PRAMEF18: variants seen among roughly 807,000 people sequenced by gnomAD.
The protein encoded by PRAMEF18 is PRAME family member-like.
In PRAMEF18, 15 loss-of-function variants were observed where a neutral mutation model predicts 23.7. The observed-to-expected ratio is 0.63, with a 90% CI of 0.42 to 0.97. The LOEUF is 0.97. Among genes scored for constraint, PRAMEF18 ranks in the 50% least tolerant of loss-of-function variants. The pLI is 0.00. For synonymous variants in PRAMEF18, 78 were observed against 159.9 expected, an observed-to-expected ratio of 0.49 and a Z score of 3.86; for missense variants, 223 against 418.6, an observed-to-expected ratio of 0.53 and a Z score of 4.08.
At chr1:13,224,985 G>A (rs1553188516) in exon 2 of PRAMEF18, 7 of 1,614,144 alleles carry the variant, frequency 4.3e-6, no homozygotes, top group South Asian at 2.2e-5. Flanking sequence ...GAGCTTAGCA[G>A]GTAACGACAG....
chr1:13,223,804 T>C, exon 3 of PRAMEF18: 1 of 287,170 alleles, frequency 3.5e-6, no homozygotes, highest in Non-Finnish European at 5.8e-6. Flanking sequence ...ATTCAGCTGC[T>C]TCAGTTGACT....
chr1:13,225,294 C>T, exon 2 of PRAMEF18: 2 of 1,612,204 alleles, frequency 1.2e-6, no homozygotes, highest in Non-Finnish European at 1.7e-6. Context: ...GGCTGCTTCT[C>T]TCCTGTCCTT....
intron 2 of PRAMEF18, chr1:13,224,652 C>G (rs879148701): frequency 2.7e-4 from 268 of 985,790 alleles, no homozygotes; most frequent in East Asian, 3.7e-4. Flanking sequence ...TAGCTTCTAC[C>G]CCAGGTCATC....
At chr1:13,225,074 C>A in exon 2 of PRAMEF18, 1 of 1,614,124 alleles carries the variant, frequency 6.2e-7, no homozygotes, top group Admixed American at 1.7e-5. Flanking sequence ...ACACAGCCAG[C>A]ACATGTTCCA....
chr1:13,222,751 T>C (rs1408431099), exon 3 of PRAMEF18: 1 of 92,848 alleles, frequency 1.1e-5, no homozygotes, highest in African/African-American at 3.5e-5. Flanking sequence ...AAATCACAGA[T>C]GAACTAGTAC....
exon 2 of PRAMEF18, chr1:13,225,078 T>A (rs1638825204): frequency 1.2e-6 from 2 of 1,614,122 alleles, no homozygotes; most frequent in Non-Finnish European, 1.7e-6. Context: ...AGCCAGCACA[T>A]GTTCCAAATT....
chr1:13,224,944 G>A (rs1378932157), exon 2 of PRAMEF18: 20 of 1,613,976 alleles, frequency 1.2e-5, no homozygotes, highest in Middle Eastern at 3.3e-4. Context: ...GCACAGAGCT[G>A]AATTCAGCAA....
chr1:13,224,895 T>A, exon 2 of PRAMEF18: 1 of 1,613,938 alleles, frequency 6.2e-7, no homozygotes, highest in Non-Finnish European at 8.5e-7. Flanking sequence ...AAGCAGACCC[T>A]TCTTACATAA....
exon 1 of PRAMEF18, chr1:13,226,092 G>T: frequency 3.1e-6 from 5 of 1,612,784 alleles, no homozygotes; most frequent in Non-Finnish European, 4.2e-6. Context: ...GTCTGCGTGG[G>T]GCCTGGAAGC....
At position 13,226,036 on chromosome 1, in the gene PRAMEF18, G is replaced by T. The variant is rs1370823025; in HGVS notation, c.71C>A (p.Ala24Asp). ...GGGCAGCTCATCCAGGACGGAGATG[G>T]CCAAGGCCTGGTCCCTCAGCAGGCT... The change falls in exon 1 of 3, where the codon GCC becomes GAC. Residue 24 changes from alanine to aspartate, a missense_variant. Coordinates refer to ENST00000624297, the Ensembl canonical transcript of PRAMEF18. 3.8e-4 allele frequency: 613 copies of T among 1,613,538 alleles called. No homozygotes were observed. The African/African-American group carries it at 6.8e-3, about 18-fold the overall frequency.
exon 2 of PRAMEF18, chr1:13,224,871 G>T: frequency 6.2e-7 from 1 of 1,614,018 alleles, no homozygotes; most frequent in South Asian, 1.1e-5. Context: ...AGCTGGTCCA[G>T]GTGGCCTCTG....
exon 2 of PRAMEF18, chr1:13,224,923 C>A (rs1448741666): frequency 4.4e-5 from 71 of 1,613,958 alleles, no homozygotes; most frequent in Non-Finnish European, 5.8e-5. Context: ...GGAGGTTCTC[C>A]AGCCTGAGGA....
rs1242297361 is a variant in PRAMEF18 at position 13,224,812 on chromosome 1, G to C, written c.866+43C>G. ...TTGGTGTTTATTGTAACAAAAAAAG[G>C]CTGTGCTATGGCCCCCAGAGAAAGC... On this transcript the variant is annotated intron_variant, in intron 2 of 2. Coordinates refer to ENST00000624297, the Ensembl canonical transcript of PRAMEF18. The C allele has an allele frequency of 6.2e-6, 10 of 1,613,016 alleles. No homozygotes were observed. In the East Asian group the frequency reaches 1.3e-4, roughly 22 times the overall value.
rs1553188524 is a variant in PRAMEF18, at chr1:13,225,018, G to A, written c.703C>T (p.Arg235Cys). The change falls in exon 2 of 3, where the codon CGC (arginine) becomes TGC (cysteine). Residue 235 changes from arginine to cysteine, a missense_variant. This residue lies in a region of PRAMEF18 where 160 missense variants were observed against 130.8 expected (regional missense o/e 1.22). Coordinates refer to ENST00000624297, the Ensembl canonical transcript of PRAMEF18. ...CAGCCATCAGAGATGAAGAGTTTGC[G>A]AAGATTCCTCATCTGGCTCAGGTAA... is the stretch of plus-strand genomic sequence containing the variant. 5.1e-5 allele frequency: 82 copies of A among 1,614,032 alleles called. No individual in the cohort carries two copies. Among genetic ancestry groups the A allele is most frequent in the East Asian group, 2.2e-4 (10 of 44,904 alleles).
At chr1:13,226,152 C>A, upstream of PRAMEF18, 3 of 1,612,002 alleles carry the variant, frequency 1.9e-6, no homozygotes, top group Non-Finnish European at 2.5e-6. Flanking sequence ...ACAAACTTAT[C>A]AGGCCAGTCC....
chr1:13,224,507 A>G (rs1638810600), intron 2 of PRAMEF18: 1 of 280,164 alleles, frequency 3.6e-6, no homozygotes, highest in African/African-American at 3.2e-5. Flanking sequence ...CTTCTTTTAC[A>G]CCCTCCCCTC....
rs991418145 is a variant in PRAMEF18 at position 13,224,845 on chromosome 1, C to T, written c.866+10G>A. The T allele has an allele frequency of 6.2e-6, 10 of 1,613,776 alleles. No individual in the cohort carries two copies. The highest frequency in any genetic ancestry group is 1.7e-5 in the Admixed American group (1 of 60,008). On this transcript the variant is annotated intron_variant, in intron 2 of 2. Coordinates refer to ENST00000624297, the Ensembl canonical transcript of PRAMEF18. ...ATGGCCCCCAGAGAAAGCTCACCAT[C>T]CTTCCTCACCTGATCAGCTGGTCCA...
At chr1:13,225,074 C>T in exon 2 of PRAMEF18, 2 of 1,614,122 alleles carry the variant, frequency 1.2e-6, no homozygotes, top group East Asian at 4.5e-5. Flanking sequence ...ACACAGCCAG[C>T]ACATGTTCCA....
chr1:13,224,911 C>G (rs1472718220), exon 2 of PRAMEF18: 3 of 1,613,962 alleles, frequency 1.9e-6, no homozygotes, highest in Non-Finnish European at 2.5e-6. Context: ...CATAAAGCAT[C>G]TGGAGGTTCT....
Sources: allele counts gnomAD v4.1 joint callset, GRCh38; gene constraint gnomAD v4.1.1; regional missense constraint gnomAD v4.1.1; transcripts MANE v1.5; gene names NCBI Gene and HGNC (gene_info 2026-07-23, HGNC 2026-07-21).